Variants in SCUBE1 observed in about 807,000 individuals in gnomAD.
SCUBE1 encodes signal peptide, CUB and EGF-like domain-containing protein 1.
Under a neutral mutation model 124.4 loss-of-function variants are expected in SCUBE1, and 59 were observed. The observed-to-expected ratio is 0.47, with a 90% confidence interval of 0.38 to 0.59. SCUBE1 has a LOEUF of 0.59. Ranked by LOEUF, SCUBE1 falls within the 20% of genes least tolerant of loss-of-function variation. The probability of loss-of-function intolerance (pLI) is 0.00; values close to 1 mark genes in which losing one functional copy is unlikely to be tolerated. For synonymous variants in SCUBE1, 545 were observed against 550.9 expected, an observed-to-expected ratio of 0.99 and a Z score of 0.15; for missense variants, 1,150 against 1,371.2, an observed-to-expected ratio of 0.84 and a Z score of 2.55.
At chr22:43,214,555 G>C (rs1006278099) in intron 15 of SCUBE1, among the ~76,000 whole-genome samples, 3 of 152,208 alleles carry the variant, frequency 2.0e-5, no homozygotes, top group African/African-American at 7.2e-5. Context: ...TCTGTCCTCT[G>C]TCTGCTCCAC....
At chr22:43,339,829 C>A (rs544398627) in intron 1 of SCUBE1, among the ~76,000 whole-genome samples, 1 of 101,890 alleles carries the variant, frequency 9.8e-6, no homozygotes, top group Non-Finnish European at 2.0e-5. Flanking sequence ...TCTATCCCCC[C>A]ACAAGCATCA....
chr22:43,212,266 C>G (rs184842783), intron 17 of SCUBE1, among the ~76,000 whole-genome samples, 159 bp downstream of exon 17: 1 of 152,370 alleles, frequency 6.6e-6, no homozygotes, highest in African/African-American at 2.4e-5. Flanking sequence ...ATGCGGGGCA[C>G]AGTGGGTCAC....
chr22:43,230,497 ACCT>A (rs1248214171), intron 8 of SCUBE1, among the ~76,000 whole-genome samples: 1 of 151,852 alleles, frequency 6.6e-6, no homozygotes, highest in Non-Finnish European at 1.5e-5. Context: ...AAGCGATCTC[ACCT>A]CCTCCTCGAC....
intron 10 of SCUBE1, among the ~76,000 whole-genome samples, chr22:43,225,119 C>T (rs1408617864): frequency 6.6e-6 from 1 of 152,166 alleles, no homozygotes; most frequent in Non-Finnish European, 1.5e-5. Flanking sequence ...TTTCCTCCCA[C>T]TCAAACCTTC....
At chr22:43,261,305 G>A (rs933298539) in intron 5 of SCUBE1, among the ~76,000 whole-genome samples, 13 of 152,232 alleles carry the variant, frequency 8.5e-5, no homozygotes, top group African/African-American at 1.9e-4. Flanking sequence ...GAGACTGCCC[G>A]TTTGGTCCTG....
In SCUBE1 at chr22:43,304,168, C is replaced by T. The variant is rs191934252; in HGVS notation, c.350-12988G>A. Among the ~76,000 whole-genome samples, 40 of 152,344 alleles carry T rather than the reference C, an allele frequency of 2.6e-4. 1 individual carries two copies. The Middle Eastern group carries it at 0.01, about 39-fold the overall frequency. On this transcript the variant is annotated intron_variant, in intron 3 of 21. Transcript: ENST00000360835. ...ATGACTCCCTGAAGACCCCTGTTAA[C>T]CTGCATACAACTGACTGACTCTCCT...
intron 6 of SCUBE1, among the ~76,000 whole-genome samples, chr22:43,256,714 C>T (rs1025268628): frequency 1.2e-4 from 19 of 152,222 alleles, no homozygotes; most frequent in Non-Finnish European, 1.6e-4. Flanking sequence ...GCACTGCCCC[C>T]GGGCCACAGA....
In SCUBE1 at chr22:43,198,773, C is replaced by G. The variant is rs1048127620; in HGVS notation, c.*5224G>C. On this transcript the variant is annotated 3_prime_UTR_variant, in exon 22 of 22. Coordinates refer to ENST00000360835, the MANE Select transcript of SCUBE1 (RefSeq NM_173050.5). ...TCTCCCTGTGGGGCATGCACTGTGG[C>G]AGGCAAGGTGAGCAGGCTGTCCAGG... 24 of 451,616 alleles carry G rather than the reference C, an allele frequency of 5.3e-5. No individual in the cohort carries two copies. Among genetic ancestry groups the G allele is most frequent in the South Asian group, 2.7e-4 (17 of 64,000 alleles). 28.0% of individuals were successfully genotyped at this position (451,616 alleles called of 1,614,324 possible). A position where few individuals can be genotyped will look rare whatever the true frequency, so the allele number is the denominator to read the frequency against.
At chr22:43,239,787 C>G (rs911484754) in intron 6 of SCUBE1, among the ~76,000 whole-genome samples, 2 of 152,208 alleles carry the variant, frequency 1.3e-5, no homozygotes, top group Non-Finnish European at 2.9e-5. Flanking sequence ...CATGGGCTTC[C>G]CTCTTCGCCT....
At chr22:43,212,020 A>T (rs1601797290) in intron 17 of SCUBE1, among the ~76,000 whole-genome samples, 1 of 151,960 alleles carries the variant, frequency 6.6e-6, no homozygotes, top group East Asian at 1.9e-4. Context: ...GGAAGACGGG[A>T]TGTAGACCTG....
At position 43,223,140 on chromosome 22, in the gene SCUBE1, C is replaced by T. The variant is rs1301811436; in HGVS notation, c.1284G>A (p.Glu428=). 14 of 1,560,948 alleles carry T rather than the reference C, an allele frequency of 9.0e-6. No individual in the cohort carries two copies. The highest frequency in any genetic ancestry group is 1.2e-5 in the Non-Finnish European group (14 of 1,162,868). ...GAGCCGGGCAGGAAAGGAAGCAGCT[C>T]TCCACACCGCCTGCCTTGCTGCAGG... ...QLSCSKAGGV[E]SCFLSCPAHT... is the part of the protein sequence containing the mutation. Residue 428 remains glutamate, a synonymous_variant, in exon 11 of 22, where the codon GAG becomes GAA. Coordinates refer to ENST00000360835, the MANE Select transcript of SCUBE1 (RefSeq NM_173050.5).
chr22:43,268,786 G>A (rs1924175308), intron 4 of SCUBE1, among the ~76,000 whole-genome samples: 1 of 152,244 alleles, frequency 6.6e-6, no homozygotes, highest in Non-Finnish European at 1.5e-5. Context: ...CTGGCCAGAA[G>A]GAAGCCAGAG....
chr22:43,301,413 C>T (rs892780491), intron 3 of SCUBE1, among the ~76,000 whole-genome samples: 3 of 152,188 alleles, frequency 2.0e-5, no homozygotes, highest in East Asian at 1.9e-4. Context: ...CTCGCTCACC[C>T]GCCTCCAGCC....
chr22:43,321,275 G>A (rs569088410), intron 2 of SCUBE1, among the ~76,000 whole-genome samples: 2 of 152,362 alleles, frequency 1.3e-5, no homozygotes, highest in South Asian at 4.1e-4. Flanking sequence ...CCTGTAGAAG[G>A]CAGGCCTAGC....
chr22:43,337,741 C>A (rs1927130618), intron 2 of SCUBE1, among the ~76,000 whole-genome samples: 1 of 152,230 alleles, frequency 6.6e-6, no homozygotes, highest in African/African-American at 2.4e-5. Flanking sequence ...TAAACACCAC[C>A]AGCATCCCAG....
chr22:43,288,260 G>C (rs932443218), intron 4 of SCUBE1, among the ~76,000 whole-genome samples: 4 of 152,110 alleles, frequency 2.6e-5, no homozygotes, highest in African/African-American at 9.7e-5. Context: ...GGGGCATCTG[G>C]GTGGAGTGAG....
At chr22:43,295,779 G>C (rs1045823015) in intron 3 of SCUBE1, among the ~76,000 whole-genome samples, 4 of 152,224 alleles carry the variant, frequency 2.6e-5, no homozygotes, top group African/African-American at 7.2e-5. Flanking sequence ...CTCACTCCGT[G>C]AACACCAAGC....
rs2146703290 is a variant in SCUBE1, at chr22:43,255,105, A to G, written c.727+3114T>C. Among the ~76,000 whole-genome samples the G allele has an allele frequency of 6.6e-6, 1 of 152,300 alleles. No individual in the cohort carries two copies. The highest frequency in any genetic ancestry group is 2.1e-4 in the South Asian group (1 of 4,826). ...TGCTTTGCTGAGCCTGGGAATCCTA[A>G]CTGTGAATGTGGGTGTTCACGCAAG... On this transcript the variant is annotated intron_variant, in intron 6 of 21. Transcript: ENST00000360835. This position sits in a 1 kb window ranked among gnomAD's most constrained non-coding sequence, Gnocchi z 4.7.
Position 43,198,337 on chromosome 22 carries a change from G to C in SCUBE1, c.*5660C>G, listed in dbSNP as rs542313434. 2.8e-6 allele frequency: 1 copy of C among 359,586 alleles called. No homozygotes were observed. The highest frequency in any genetic ancestry group is 7.4e-5 in the East Asian group (1 of 13,508). 22.3% of individuals were successfully genotyped at this position (359,586 alleles called of 1,614,324 possible). On this transcript the variant is annotated 3_prime_UTR_variant, in exon 22 of 22. Transcript: ENST00000360835. ...CTGGAGAGGCCTTGAGGCCATCGCA[G>C]CAGATGCTGGGAGGGCACGCAGGCC...
Sources: gnomAD v4.1 joint callset for allele counts (sites outside exome capture counted in the v4.1 genomes callset) on GRCh38, gnomAD v4.1.1 for gene constraint, Gnocchi (gnomAD v3.1) non-coding constraint, MANE v1.5 for transcripts, NCBI Gene and HGNC (gene_info 2026-07-23, HGNC 2026-07-21) for gene names.